The following CALN1 variants were observed in gnomAD, a reference collection of about 807,000 sequenced individuals.
CALN1 encodes calneuron 1.
A neutral mutation model predicts 30.6 loss-of-function variants in CALN1; 17 were observed. The ratio of observed to expected loss-of-function variants is 0.56; its 90% CI spans 0.38 to 0.83. The LOEUF is 0.83. Among genes scored for constraint, CALN1 ranks in the 40% least tolerant of loss-of-function variants. The pLI, the probability that CALN1 is intolerant of heterozygous loss-of-function variation, is 0.00. For synonymous variants in CALN1, 156 were observed against 131.4 expected (o/e 1.19, Z -1.28); for missense variants, 291 against 354.9 (o/e 0.82, Z 1.45).
chr7:71,942,041 A>T (rs1796158917), intron 5 of CALN1, among the ~76,000 whole-genome samples: 2 of 152,084 alleles, frequency 1.3e-5, no homozygotes. Flanking sequence ...TCTACTAAAA[A>T]TACAAAAAGT....
intron 5 of CALN1, among the ~76,000 whole-genome samples, chr7:71,860,381 C>T (rs371637478): frequency 5.8e-4 from 88 of 152,110 alleles, no homozygotes; most frequent in African/African-American, 2.0e-3. Flanking sequence ...TTAGTAGAAA[C>T]GGGGTTTCAC....
At chr7:72,228,775 T>C (rs1223826077) in intron 3 of CALN1, among the ~76,000 whole-genome samples, 4 of 122,548 alleles carry the variant, frequency 3.3e-5, no homozygotes, top group Non-Finnish European at 6.8e-5. Context: ...ATTTATTTAT[T>C]TATTGAGACA....
chr7:72,263,946 C>CT (rs915646789), intron 3 of CALN1, among the ~76,000 whole-genome samples: 1 of 152,170 alleles, frequency 6.6e-6, no homozygotes, highest in African/African-American at 2.4e-5. Flanking sequence ...GTTGACTCCC[C>CT]TCCTTTTACC....
At chr7:71,808,125 G>A (rs1787727865) in intron 6 of CALN1, among the ~76,000 whole-genome samples, 1 of 151,936 alleles carries the variant, frequency 6.6e-6, no homozygotes, top group East Asian at 1.9e-4. Context: ...TTATTGGTTA[G>A]GTAATGGTTA....
chr7:72,493,478 A>G, the CALN1 span, among the ~76,000 whole-genome samples: 2 of 152,038 alleles, frequency 1.3e-5, no homozygotes, highest in African/African-American at 4.8e-5. Context: ...ACCTAGGACT[A>G]CAAGCATGCA....
intron 5 of CALN1, among the ~76,000 whole-genome samples, chr7:71,972,885 G>C (rs931552272): frequency 2.0e-5 from 3 of 152,062 alleles, no homozygotes; most frequent in Non-Finnish European, 4.4e-5. Flanking sequence ...TCTTTTGTTT[G>C]TTCCCCATAT....
Position 71,783,334 on chromosome 7 carries a change from G to C in CALN1, c.*4441C>G, listed in dbSNP as rs1792816604. 6.6e-6 allele frequency: 1 copy of C among 152,180 alleles called. No homozygotes were observed. Among genetic ancestry groups the C allele is most frequent in the Non-Finnish European group, 1.5e-5 (1 of 68,046 alleles). The allele number at this position is 152,180 out of a possible 1,614,324, so 9.4% of individuals were successfully genotyped here. ...TCATCTGTACCATCACGGTGATATA[G>C]GAAAAGGGGCCCTTCCTAGCAGGGG... On this transcript the variant is annotated 3_prime_UTR_variant, in exon 7 of 7. Coordinates refer to ENST00000395275, the MANE Select transcript of CALN1 (RefSeq NM_031468.4).
chr7:72,485,028 G>A, the CALN1 span, among the ~76,000 whole-genome samples: 1 of 152,116 alleles, frequency 6.6e-6, no homozygotes, highest in South Asian at 2.1e-4. Context: ...ACTTGTCTTG[G>A]CAGACAGACA....
chr7:72,366,888 C>G (rs1335872094), intron 2 of CALN1, among the ~76,000 whole-genome samples: 1 of 151,520 alleles, frequency 6.6e-6, no homozygotes. Context: ...TATAGCAGCA[C>G]TATCGAGAAT....
chr7:71,830,700 T>A (rs1789221742), intron 5 of CALN1, among the ~76,000 whole-genome samples: 2 of 152,304 alleles, frequency 1.3e-5, no homozygotes. Context: ...CGAACTTGGT[T>A]CTTACTCAGA....
chr7:72,396,004 T>C (rs1164988431), intron 2 of CALN1, among the ~76,000 whole-genome samples: 2 of 151,936 alleles, frequency 1.3e-5, no homozygotes, highest in African/African-American at 4.8e-5. Context: ...TGGCCATTGC[T>C]TGACATCGCT....
At chr7:72,209,242 T>C (rs564600912) in intron 3 of CALN1, among the ~76,000 whole-genome samples, 1 of 60,320 alleles carries the variant, frequency 1.7e-5, no homozygotes, top group East Asian at 2.6e-3. Context: ...CCTTCCCTCT[T>C]TCCTTCCCTC....
chr7:72,338,470 A>AGTGTGTGTGTGT (rs56695086), intron 2 of CALN1, among the ~76,000 whole-genome samples: 1,815 of 74,670 alleles, frequency 0.024, 112 homozygotes, highest in Non-Finnish European at 0.036. Flanking sequence ...CCAGCAGCAC[A>AGTGTGTGTGTGT]GTGTGTGTGT....
chr7:71,971,384 A>T (rs1797788987), intron 5 of CALN1, among the ~76,000 whole-genome samples: 1 of 152,154 alleles, frequency 6.6e-6, no homozygotes, highest in Non-Finnish European at 1.5e-5. Flanking sequence ...TGGGAGGCAG[A>T]GGTTGAAGTG....
intron 2 of CALN1, among the ~76,000 whole-genome samples, chr7:72,383,224 A>G (rs991876063): frequency 1.3e-5 from 2 of 152,238 alleles, no homozygotes; most frequent in African/African-American, 2.4e-5. Flanking sequence ...CAATGAACGT[A>G]ACGGTACATG....
intron 3 of CALN1, among the ~76,000 whole-genome samples, chr7:72,170,848 G>A (rs185092957): frequency 6.2e-4 from 95 of 152,290 alleles, no homozygotes; most frequent in African/African-American, 2.1e-3. Context: ...ACAGGATGCT[G>A]AACAATGAAT....
At chr7:72,398,843 A>G (rs1024131811) in intron 2 of CALN1, among the ~76,000 whole-genome samples, 3 of 152,228 alleles carry the variant, frequency 2.0e-5, no homozygotes, top group Admixed American at 1.3e-4. Context: ...AACAGAAACA[A>G]AAAAATTAAA....
intron 1 of CALN1, among the ~76,000 whole-genome samples, chr7:72,411,395 G>A (rs1222780112): frequency 6.6e-6 from 1 of 152,050 alleles, no homozygotes; most frequent in South Asian, 2.1e-4. Flanking sequence ...TAGGAATCAA[G>A]ATTTTCTATG....
intron 3 of CALN1, among the ~76,000 whole-genome samples, chr7:72,180,524 CTT>C (rs35465505): frequency 2.0e-4 from 23 of 113,578 alleles, no homozygotes; most frequent in Middle Eastern, 6.2e-3. Flanking sequence ...AGAAGGTGTC[CTT>C]TTTTTTTTTT....
Sources: gnomAD v4.1 joint callset for allele counts (sites outside exome capture counted in the v4.1 genomes callset) on GRCh38, gnomAD v4.1.1 for gene constraint, MANE v1.5 for transcripts, NCBI Gene and HGNC (gene_info 2026-07-23, HGNC 2026-07-21) for gene names.